PCDH15: variants seen among roughly 807,000 people sequenced by gnomAD.
PCDH15 encodes protocadherin-15.
Under a neutral mutation model 178.5 loss-of-function variants are expected in PCDH15, and 129 were observed. That is an observed-to-expected ratio of 0.72 (90% CI 0.63 to 0.84). The LOEUF is 0.84. Ranked by LOEUF, PCDH15 falls within the 40% of genes least tolerant of loss-of-function variation. The probability of loss-of-function intolerance (pLI) is 0.00; values close to 1 mark genes in which losing one functional copy is unlikely to be tolerated. For synonymous variants in PCDH15, 800 were observed against 732.0 expected, an observed-to-expected ratio of 1.09 and a Z score of -1.50; for missense variants, 2,230 against 2,099.9, an observed-to-expected ratio of 1.06 and a Z score of -1.21.
At chr10:54,667,230 A>T (rs570154388) in intron 1 of PCDH15, among the ~76,000 whole-genome samples, 1 of 152,142 alleles carries the variant, frequency 6.6e-6, no homozygotes, top group South Asian at 2.1e-4. Context: ...AGAAATTTTC[A>T]TCACTTCAAT....
At chr10:53,819,833 A>G (rs888902336) in intron 33 of PCDH15, among the ~76,000 whole-genome samples, 2 of 152,154 alleles carry the variant, frequency 1.3e-5, no homozygotes, top group Admixed American at 1.3e-4. Context: ...ATAATGTATC[A>G]TAATGACATT....
At chr10:55,206,645 T>G (rs1840410949) in intron 1 of PCDH15, among the ~76,000 whole-genome samples, 1 of 152,132 alleles carries the variant, frequency 6.6e-6, no homozygotes, top group African/African-American at 2.4e-5. Context: ...ATTTAAAACT[T>G]AGACTACAAC....
At chr10:55,109,928 G>A (rs1366053810) in intron 2 of PCDH15, among the ~76,000 whole-genome samples, 1 of 151,568 alleles carries the variant, frequency 6.6e-6, no homozygotes, top group East Asian at 1.9e-4. Flanking sequence ...AGAAAAATAA[G>A]CACTTGCAAG....
intron 14 of PCDH15, among the ~76,000 whole-genome samples, chr10:54,135,732 A>G (rs555595472): frequency 1.3e-5 from 2 of 152,308 alleles, no homozygotes; most frequent in Non-Finnish European, 1.5e-5. Flanking sequence ...ATTGGTAATA[A>G]AAGTAGGTGA....
chr10:54,759,806 T>G (rs1238003452), intron 1 of PCDH15, among the ~76,000 whole-genome samples: 1 of 152,198 alleles, frequency 6.6e-6, no homozygotes, highest in Non-Finnish European at 1.5e-5. Context: ...TATCCTACAC[T>G]GACGTTTGGG....
rs190209947 is a variant in PCDH15, at chr10:55,048,488, C to A, written c.-80+118088G>T. ...ATAACACTTTATAGAAAATGTTATG[C>A]CTCTCATAGCATTAATTGTTTTTAA... On this transcript the variant is annotated intron_variant, in intron 2 of 5. Coordinates refer to the PCDH15 transcript ENST00000458638. Among the ~76,000 whole-genome samples the A allele has an allele frequency of 2.4e-3, 357 of 151,836 alleles. 5 individuals carry two copies. Among genetic ancestry groups the A allele is most frequent in the Non-Finnish European group, 2.9e-3 (196 of 67,766 alleles).
intron 2 of PCDH15, among the ~76,000 whole-genome samples, chr10:54,939,364 G>A (rs1185739248): frequency 5.3e-5 from 8 of 151,088 alleles, no homozygotes; most frequent in Non-Finnish European, 8.9e-5. Context: ...GCGTGGTGGC[G>A]GGCCCCTGTA....
chr10:54,694,680 C>G (rs2095189584), intron 1 of PCDH15, among the ~76,000 whole-genome samples: 1 of 151,960 alleles, frequency 6.6e-6, no homozygotes, highest in Non-Finnish European at 1.5e-5. Context: ...TTTGGGCCAC[C>G]ACAAACCAGG....
At chr10:53,890,510 A>C (rs1182041707) in intron 26 of PCDH15, among the ~76,000 whole-genome samples, 3 of 152,220 alleles carry the variant, frequency 2.0e-5, no homozygotes, top group African/African-American at 7.2e-5. Flanking sequence ...ATAGTCTTTC[A>C]AATTACTATG....
Position 55,097,709 on chromosome 10 carries a change from C to CAGAT in PCDH15, c.-80+68863_-80+68866dup, listed in dbSNP as rs987461828. 3.3e-5 allele frequency among the ~76,000 whole-genome samples: 5 copies of CAGAT among 151,666 alleles called. No homozygotes were observed. The South Asian group carries it at 8.3e-4, about 25-fold the overall frequency. On this transcript the variant is annotated intron_variant, in intron 2 of 5. Transcript: ENST00000458638. The stretch of plus-strand genomic sequence containing the variant: ...CCAGATAGATAGATAGATAGAGAGA[C>CAGAT]AGATAGATAGATAGATGGATAGATA...
chr10:55,222,730 C>CACACACACACACATATAT, intron 1 of PCDH15, among the ~76,000 whole-genome samples: 51 of 121,186 alleles, frequency 4.2e-4, no homozygotes, highest in African/African-American at 5.4e-4. Flanking sequence ...CACACACACA[C>CACACACACACACATATAT]ATATATATAT....
intron 1 of PCDH15, among the ~76,000 whole-genome samples, chr10:55,195,051 T>G (rs182461097): frequency 6.2e-5 from 9 of 144,672 alleles, no homozygotes; most frequent in East Asian, 2.1e-4. Context: ...GGAGACGGAG[T>G]CTTGCTCTGT....
At chr10:54,627,409 T>C (rs1005401076) in intron 2 of PCDH15, among the ~76,000 whole-genome samples, 3 of 152,106 alleles carry the variant, frequency 2.0e-5, no homozygotes, top group African/African-American at 7.2e-5. Context: ...TCCCGTACTG[T>C]TCTCATGATA....
chr10:54,336,078 A>G (rs1941052571), intron 6 of PCDH15, among the ~76,000 whole-genome samples: 1 of 152,132 alleles, frequency 6.6e-6, no homozygotes, highest in African/African-American at 2.4e-5. Flanking sequence ...TGACGTAGAG[A>G]TTTGTGGAAC....
At chr10:55,118,054 T>A (rs1837670608) in intron 2 of PCDH15, among the ~76,000 whole-genome samples, 1 of 152,054 alleles carries the variant, frequency 6.6e-6, no homozygotes, top group Admixed American at 6.6e-5. Flanking sequence ...CCTAAAAGAA[T>A]ATGATGGATA....
At position 53,959,841 on chromosome 10, in the gene PCDH15, C is replaced by A; in HGVS notation, c.3013G>T (p.Val1005Leu). The change falls in exon 23 of 38, where the codon GTG becomes TTG. Residue 1005 changes from valine (V) to leucine (L), a missense_variant. Physicochemically the swap from Val to Leu is conservative, Grantham distance 32. Coordinates refer to ENST00000644397, the MANE Select transcript of PCDH15 (RefSeq NM_001384140.1). ...TCCCCATCATCAAAAGCAACCACCA[C>A]CAACTTAAAAAGCAATAAAAATTCA... ...NEEPTTIFKL[V>L]VVAFDDGEPV... 6.2e-7 allele frequency: 1 copy of A among 1,612,382 alleles called. No homozygotes were observed. Among genetic ancestry groups the A allele is most frequent in the Middle Eastern group, 1.6e-4 (1 of 6,062 alleles).
intron 2 of PCDH15, among the ~76,000 whole-genome samples, chr10:54,594,899 C>T (rs1236147581): frequency 1.3e-5 from 2 of 152,202 alleles, no homozygotes; most frequent in African/African-American, 2.4e-5. Context: ...GCACAGAAAA[C>T]AGTGTATCTA....
At chr10:55,476,574 G>A (rs1173507217) in intron 2 of PCDH15, among the ~76,000 whole-genome samples, 1 of 151,870 alleles carries the variant, frequency 6.6e-6, no homozygotes. Flanking sequence ...AAAGAGCAAA[G>A]GACTGATATT....
chr10:53,821,871 G>C (rs781440414), intron 32 of PCDH15: 15 of 1,613,134 alleles, frequency 9.3e-6, no homozygotes, highest in Non-Finnish European at 1.2e-5. Context: ...CAGTGAAGTA[G>C]ATTGACTGTG....
Sources: allele counts gnomAD v4.1 joint callset (sites outside exome capture counted in the v4.1 genomes callset), GRCh38; gene constraint gnomAD v4.1.1; transcripts MANE v1.5; gene names NCBI Gene and HGNC (gene_info 2026-07-23, HGNC 2026-07-21).